Variants in PTGS1 observed in about 807,000 individuals in gnomAD.
PTGS1 encodes the protein prostaglandin-endoperoxide synthase 1.
A neutral mutation model predicts 63.0 loss-of-function variants in PTGS1; 40 were observed. The observed-to-expected ratio is 0.63, with a 90% CI of 0.49 to 0.83. The LOEUF (loss-of-function observed/expected upper bound fraction) is 0.83, where lower values mean the gene tolerates loss of function less well. Among genes scored for constraint, PTGS1 ranks in the 40% least tolerant of loss-of-function variants. The pLI is 0.00. For missense variants in PTGS1, 709 were observed against 786.5 expected, an observed-to-expected ratio of 0.90 and a Z score of 1.18; for synonymous variants, 298 against 301.9, an observed-to-expected ratio of 0.99 and a Z score of 0.13.
intron 3 of PTGS1, 139 bp from the exon 4 acceptor site, chr9:122,378,294 A>C (rs1216643849): frequency 8.1e-7 from 1 of 1,227,242 alleles, no homozygotes; most frequent in African/African-American, 1.5e-5. Flanking sequence ...ATTGCTCCCA[A>C]GGTTCCATCC....
rs777978439 is a variant in PTGS1, at chr9:122,378,961, G to T, written c.496+43G>T. 1.9e-6 allele frequency: 3 copies of T among 1,608,502 alleles called. No homozygotes were observed. The East Asian group carries it at 6.7e-5, about 36-fold the overall frequency. On this transcript the variant is annotated intron_variant, in intron 5 of 10. Transcript: ENST00000362012. ...GCTGGGCCTGGGGATTACAGGAGGT[G>T]CTCAGTTCTTCTCTTTGGGAAAAAT...
At chr9:122,376,416 A>C (rs7866582) in intron 2 of PTGS1, among the ~76,000 whole-genome samples, 41,456 of 147,650 alleles carry the variant, frequency 0.28, 8,608 homozygotes, top group African/African-American at 0.59. Context: ...CCGTCTTCGA[A>C]GTGGGGACCA....
At position 122,378,769 on chromosome 9, in the gene PTGS1, C is replaced by T. The variant is rs1401330057; in HGVS notation, c.353-6C>T. ...CCCTTGTCACCGTTATTTTTGCTCTCTGCAGTGCGCTCCAACCTTATCCCC... is the reference window on the plus strand; with the variant it reads ...CCCTTGTCACCGTTATTTTTGCTCTTTGCAGTGCGCTCCAACCTTATCCCC... On this transcript the variant is annotated splice_region_variant and splice_polypyrimidine_tract_variant and intron_variant, in intron 4 of 10. Transcript: ENST00000362012. 6.2e-7 allele frequency: 1 copy of T among 1,614,182 alleles called. No homozygotes were observed. Among genetic ancestry groups the T allele is most frequent in the South Asian group, 1.1e-5 (1 of 91,076 alleles).
Position 122,381,385 on chromosome 9 carries a change from C to A in PTGS1, c.511C>A (p.Pro171Thr), listed in dbSNP as rs778206736. ...PMGTKGKKQL[P>T]DAQLLARRFL... Reference sequence around the variant, plus strand: ...CCCCCAACCAGGGAAGAAGCAGTTGCCAGATGCCCAGCTCCTGGCCCGCCG... The same window carrying A: ...CCCCCAACCAGGGAAGAAGCAGTTGACAGATGCCCAGCTCCTGGCCCGCCG... The change falls in exon 6 of 11, where the codon CCA (proline) becomes ACA (threonine). Residue 171 changes from proline (P) to threonine (T), a missense_variant. Pro to Thr is a conservative substitution (Grantham distance 38, BLOSUM62 -1). Coordinates refer to ENST00000362012, the MANE Select transcript of PTGS1 (RefSeq NM_000962.4). 5 of 1,613,948 alleles carry A rather than the reference C, an allele frequency of 3.1e-6. No individual in the cohort carries two copies. In the South Asian group the frequency reaches 4.4e-5, roughly 14 times the overall value.
rs868654250 is a variant in PTGS1 at position 122,372,104 on chromosome 9, C to T, written c.94+832C>T. Reference sequence around the variant, plus strand: ...CCCCAGCTCGCTGCTTGTGTGTGTGCGTGTGTGTGAGCATGTGTCCCAGTT... The same window carrying T: ...CCCCAGCTCGCTGCTTGTGTGTGTGTGTGTGTGTGAGCATGTGTCCCAGTT... On this transcript the variant is annotated intron_variant, in intron 2 of 10. Coordinates refer to ENST00000362012, the MANE Select transcript of PTGS1 (RefSeq NM_000962.4). 3.4e-4 allele frequency among the ~76,000 whole-genome samples: 51 copies of T among 152,130 alleles called. No homozygotes were observed. The Middle Eastern group carries it at 0.01, about 30-fold the overall frequency.
chr9:122,392,524 C>T lies in PTGS1; in HGVS notation c.1780C>T (p.Arg594Ter), dbSNP rs769682753. The change falls in exon 11 of 11, where the codon CGA (arginine) becomes TGA (stop). Residue 594 changes from arginine (R) to a stop codon, truncating the protein, a stop_gained. Coordinates refer to ENST00000362012, the MANE Select transcript of PTGS1 (RefSeq NM_000962.4). LOFTEE classifies it high-confidence loss of function. ...ASQDDGPAVE[R>*]PSTEL is the part of the protein sequence containing the mutation. ...TCAGGATGATGGGCCTGCTGTGGAG[C>T]GACCATCCACAGAGCTCTGAGGGGC... 23 of 1,613,136 alleles carry T rather than the reference C, an allele frequency of 1.4e-5. No homozygotes were observed. The highest frequency in any genetic ancestry group is 3.3e-4 in the Middle Eastern group (2 of 6,050).
At chr9:122,373,251 A>G (rs1836916872) in intron 2 of PTGS1, among the ~76,000 whole-genome samples, 1 of 152,202 alleles carries the variant, frequency 6.6e-6, no homozygotes, top group Non-Finnish European at 1.5e-5. Flanking sequence ...GCAAGGATCT[A>G]GGAAAGAACG....
chr9:122,373,582 T>C (rs1437118655), intron 2 of PTGS1, among the ~76,000 whole-genome samples: 29 of 152,168 alleles, frequency 1.9e-4, no homozygotes, highest in Admixed American at 1.9e-3. Flanking sequence ...ATCTTCTAGA[T>C]GGGGATAGGG....
Position 122,378,904 on chromosome 9 carries a change from C to T in PTGS1, c.482C>T (p.Pro161Leu), listed in dbSNP as rs1837348003. The T allele has an allele frequency of 6.2e-7, 1 of 1,614,180 alleles. No homozygotes were observed. Among genetic ancestry groups the T allele is most frequent in the Non-Finnish European group, 8.5e-7 (1 of 1,180,016 alleles). ...TCTGTGCCTAAAGATTGCCCCACACCCATGGGAACCAAAGGTAAAATGGGG... is the reference window on the plus strand; with the variant it reads ...TCTGTGCCTAAAGATTGCCCCACACTCATGGGAACCAAAGGTAAAATGGGG... ...LPSVPKDCPT[P>L]MGTKGKKQLP... Residue 161 changes from proline to leucine, a missense_variant, in exon 5 of 11, where the codon CCC (proline) becomes CTC (leucine). Physicochemically the swap from Pro to Leu is moderately conservative, Grantham distance 98. Coordinates refer to ENST00000362012, the MANE Select transcript of PTGS1 (RefSeq NM_000962.4).
chr9:122,386,549 A>AT lies in PTGS1; in HGVS notation c.1114dup (p.Tyr372LeufsTer21), dbSNP rs754729293. 6.2e-7 allele frequency: 1 copy of AT among 1,614,106 alleles called. No individual in the cohort carries two copies. Among genetic ancestry groups the AT allele is most frequent in the African/African-American group, 1.3e-5 (1 of 75,032 alleles). On this transcript the variant is annotated frameshift_variant, in exon 9 of 11. Coordinates refer to ENST00000362012, the MANE Select transcript of PTGS1 (RefSeq NM_000962.4). LOFTEE classifies it high-confidence loss of function. Reference sequence around the variant, plus strand: ...AGCTGCTGTTCGGTGTCCAGTTCCAATACCGCAACCGCATTGCCATGGAGT... The same window carrying AT: ...AGCTGCTGTTCGGTGTCCAGTTCCAATTACCGCAACCGCATTGCCATGGAGT...
At chr9:122,383,464 T>C (rs3842798) in intron 7 of PTGS1, 45 bp from the exon 8 acceptor site, 327,851 of 1,559,346 alleles carry the variant, frequency 0.21, 44,284 homozygotes, top group African/African-American at 0.68. Flanking sequence ...TGGGCAGCTG[T>C]GGGTGACCCC....
In PTGS1 at chr9:122,371,208, G is replaced by GCTGTTC; in HGVS notation, c.34_39dup (p.Phe12_Leu13dup). 6.2e-7 allele frequency: 1 copy of GCTGTTC among 1,608,480 alleles called. No homozygotes were observed. Among genetic ancestry groups the GCTGTTC allele is most frequent in the Non-Finnish European group, 8.5e-7 (1 of 1,179,888 alleles). ...CAGGGAGTCTCTTGCTCTGGTTCTT[G>GCTGTTC]CTGTTCCTGCTCCTGCTCCCGCCGC... is the stretch of plus-strand genomic sequence containing the variant. On this transcript the variant is annotated inframe_insertion, in exon 2 of 11. Coordinates refer to ENST00000362012, the MANE Select transcript of PTGS1 (RefSeq NM_000962.4).
At chr9:122,383,945 C>T (rs895576003) in intron 8 of PTGS1, among the ~76,000 whole-genome samples, 190 bp downstream of exon 8, 3 of 152,034 alleles carry the variant, frequency 2.0e-5, no homozygotes, top group East Asian at 1.9e-4. Context: ...TTGGGGTGAA[C>T]GATGATTGTA....
At chr9:122,377,353 C>T (rs938556872) in intron 2 of PTGS1, among the ~76,000 whole-genome samples, 5 of 152,148 alleles carry the variant, frequency 3.3e-5, no homozygotes, top group Admixed American at 6.5e-5. Context: ...ATGATACCTG[C>T]TCTTCTCTAC....
At chr9:122,387,016 A>T (rs1837913984) in intron 9 of PTGS1, among the ~76,000 whole-genome samples, 1 of 152,040 alleles carries the variant, frequency 6.6e-6, no homozygotes, top group Non-Finnish European at 1.5e-5. Flanking sequence ...AGCTGACAGC[A>T]TTAGGGCCCT....
At chr9:122,376,736 T>C (rs1837191749) in intron 2 of PTGS1, among the ~76,000 whole-genome samples, 1 of 152,166 alleles carries the variant, frequency 6.6e-6, no homozygotes, top group Non-Finnish European at 1.5e-5. Context: ...TGCCAGGCGC[T>C]AGGAGTTTTT....
intron 10 of PTGS1, among the ~76,000 whole-genome samples, chr9:122,391,414 T>C (rs1388447930): frequency 5.8e-5 from 2 of 34,492 alleles, no homozygotes; most frequent in Admixed American, 5.0e-4. Flanking sequence ...TATATACATA[T>C]ATATATATAT....
chr9:122,375,800 G>T (rs1296421078), intron 2 of PTGS1, among the ~76,000 whole-genome samples: 1 of 152,182 alleles, frequency 6.6e-6, no homozygotes, highest in Non-Finnish European at 1.5e-5. Flanking sequence ...GGCTAAGGGA[G>T]GGGCTGGCGC....
chr9:122,371,201 G>C lies in PTGS1; in HGVS notation c.23G>C (p.Trp8Ser), dbSNP rs142176470. The change falls in exon 2 of 11, where the codon TGG becomes TCG. Residue 8 changes from tryptophan to serine, a missense_variant. Physicochemically the swap from Trp to Ser is radical, Grantham distance 177. Coordinates refer to ENST00000362012, the MANE Select transcript of PTGS1 (RefSeq NM_000962.4). MSRSLLL[W>S]FLLFLLLLPP... ...TCCTCTGCAGGGAGTCTCTTGCTCT[G>C]GTTCTTGCTGTTCCTGCTCCTGCTC... The C allele has an allele frequency of 2.9e-4, 474 of 1,608,574 alleles. 1 individual carries two copies. The African/African-American group carries it at 5.6e-3, about 19-fold the overall frequency.
Sources: gnomAD v4.1 joint callset for allele counts (sites outside exome capture counted in the v4.1 genomes callset) on GRCh38, gnomAD v4.1.1 for gene constraint, MANE v1.5 for transcripts, NCBI Gene and HGNC (gene_info 2026-07-23, HGNC 2026-07-21) for gene names.